Variants in SMYD3 observed in about 807,000 individuals in gnomAD.
SMYD3 encodes SET and MYND domain containing 3.
Under a neutral mutation model 57.7 loss-of-function variants are expected in SMYD3, and 36 were observed. The observed-to-expected ratio is 0.62, with a 90% CI of 0.48 to 0.82. The LOEUF (loss-of-function observed/expected upper bound fraction) is 0.82, where lower values mean the gene tolerates loss of function less well. SMYD3 is among the 40% of genes least tolerant of loss of function. SMYD3 has a pLI of 0.00. For missense variants in SMYD3, 515 were observed against 538.8 expected, an observed-to-expected ratio of 0.96 and a Z score of 0.44; for synonymous variants, 211 against 195.0, an observed-to-expected ratio of 1.08 and a Z score of -0.68.
chr1:245,948,634 C>T (rs2057506297), intron 5 of SMYD3, among the ~76,000 whole-genome samples: 1 of 17,368 alleles, frequency 5.8e-5, no homozygotes, highest in Admixed American at 7.8e-4. Context: ...AGGCAGCATC[C>T]TGCCCTGGGC....
At chr1:246,402,379 C>T (rs1269299822) in intron 1 of SMYD3, among the ~76,000 whole-genome samples, 15 of 150,238 alleles carry the variant, frequency 1.0e-4, no homozygotes, top group East Asian at 2.0e-4. Context: ...ACAACGCCAT[C>T]TTAAAGATGA....
At chr1:245,929,728 T>A in intron 6 of SMYD3, 142 bp downstream of exon 6, 1 of 652,300 alleles carries the variant, frequency 1.5e-6, no homozygotes, top group Admixed American at 2.6e-5. Context: ...CATTTTCCAT[T>A]TTTTTGTAAT....
chr1:246,466,630 T>C (rs940219667), intron 1 of SMYD3, among the ~76,000 whole-genome samples: 2 of 152,122 alleles, frequency 1.3e-5, no homozygotes, highest in African/African-American at 4.8e-5. Flanking sequence ...CCACATCACA[T>C]GAGTTTACCT....
At chr1:245,949,681 C>T (rs139053715) in intron 5 of SMYD3, among the ~76,000 whole-genome samples, 2,361 of 152,200 alleles carry the variant, frequency 0.016, 64 homozygotes, top group African/African-American at 0.053. Flanking sequence ...TGGTGGCACA[C>T]ACCTGTAGTC....
chr1:245,778,275 G>A (rs1341349331), intron 10 of SMYD3, among the ~76,000 whole-genome samples: 1 of 152,100 alleles, frequency 6.6e-6, no homozygotes, highest in Non-Finnish European at 1.5e-5. Flanking sequence ...AGATTTACTA[G>A]AAAGCCACAG....
chr1:245,990,076 A>G (rs1048769277), intron 5 of SMYD3, among the ~76,000 whole-genome samples: 19 of 151,862 alleles, frequency 1.3e-4, no homozygotes, highest in Admixed American at 1.2e-3. Context: ...TTTATTATTT[A>G]TTTATTTTTG....
At chr1:245,984,245 G>A (rs955259083) in intron 5 of SMYD3, among the ~76,000 whole-genome samples, 1 of 152,014 alleles carries the variant, frequency 6.6e-6, no homozygotes, top group Admixed American at 6.6e-5. Context: ...GATCCGTCCC[G>A]CCTTGGCCTG....
chr1:246,330,014 C>T (rs1315799215), intron 4 of SMYD3, among the ~76,000 whole-genome samples: 1 of 152,162 alleles, frequency 6.6e-6, no homozygotes, highest in Non-Finnish European at 1.5e-5. Flanking sequence ...ATGGTAGTTT[C>T]AGAGAAGAAT....
intron 5 of SMYD3, among the ~76,000 whole-genome samples, chr1:245,986,915 T>A (rs1272973959): frequency 6.6e-6 from 1 of 152,216 alleles, no homozygotes; most frequent in Non-Finnish European, 1.5e-5. Flanking sequence ...GAGACAAATA[T>A]AAGTAAAACT....
intron 1 of SMYD3, among the ~76,000 whole-genome samples, chr1:246,467,484 G>A (rs530058604): frequency 5.3e-5 from 8 of 152,022 alleles, no homozygotes; most frequent in African/African-American, 9.6e-5. Flanking sequence ...GGGAAGACTC[G>A]AATAAAGAAA....
At chr1:245,791,040 G>A (rs2047246291) in intron 10 of SMYD3, among the ~76,000 whole-genome samples, 1 of 152,144 alleles carries the variant, frequency 6.6e-6, no homozygotes, top group Non-Finnish European at 1.5e-5. Flanking sequence ...CAGGAACTGG[G>A]GAGAAAGGAG....
intron 10 of SMYD3, among the ~76,000 whole-genome samples, chr1:245,848,293 G>GTT (rs2050769938): frequency 6.6e-6 from 1 of 151,668 alleles, no homozygotes; most frequent in East Asian, 1.9e-4. Context: ...GTGTGTGTGT[G>GTT]TATTTCTTGG....
chr1:245,872,329 G>C (rs1055537271), intron 8 of SMYD3, among the ~76,000 whole-genome samples: 1 of 152,130 alleles, frequency 6.6e-6, no homozygotes, highest in African/African-American at 2.4e-5. Context: ...TTGCATCCTC[G>C]CAAGAGCCCA....
At chr1:245,957,585 C>T (rs1447139679) in intron 5 of SMYD3, among the ~76,000 whole-genome samples, 2 of 152,198 alleles carry the variant, frequency 1.3e-5, no homozygotes, top group Admixed American at 6.5e-5. Flanking sequence ...TTCTTACACC[C>T]GCTTGGATTC....
intron 1 of SMYD3, among the ~76,000 whole-genome samples, chr1:246,383,665 A>T (rs1319213369): frequency 1.3e-5 from 2 of 152,220 alleles, no homozygotes; most frequent in Non-Finnish European, 2.9e-5. Flanking sequence ...GAAGATGATC[A>T]AAATATCAAG....
At chr1:246,406,867 C>A (rs6682121) in intron 1 of SMYD3, among the ~76,000 whole-genome samples, 7,449 of 152,228 alleles carry the variant, frequency 0.049, 635 homozygotes, top group African/African-American at 0.17. Context: ...AAACAAACAA[C>A]ACCTTTCCCA....
At chr1:245,877,675 C>T (rs184836502) in intron 8 of SMYD3, among the ~76,000 whole-genome samples, 6 of 152,290 alleles carry the variant, frequency 3.9e-5, no homozygotes, top group Admixed American at 1.3e-4. Context: ...TCCAGGACAA[C>T]GGCCATGCAT....
intron 5 of SMYD3, among the ~76,000 whole-genome samples, chr1:245,936,605 T>G (rs1424953631): frequency 6.6e-6 from 1 of 152,222 alleles, no homozygotes; most frequent in Non-Finnish European, 1.5e-5. Context: ...AAAATTTGTG[T>G]TGATTAAGGC....
At chr1:246,137,671 C>T (rs769071465) in intron 5 of SMYD3, among the ~76,000 whole-genome samples, 1 of 152,262 alleles carries the variant, frequency 6.6e-6, no homozygotes, top group South Asian at 2.1e-4. Context: ...ATTCAGCAAC[C>T]ACAGCCTTAG....
Sources: allele counts gnomAD v4.1 joint callset (sites outside exome capture counted in the v4.1 genomes callset), GRCh38; gene constraint gnomAD v4.1.1; transcripts MANE v1.5; gene names NCBI Gene and HGNC (gene_info 2026-07-23, HGNC 2026-07-21).